Variants in AGPAT4 observed in about 807,000 individuals in gnomAD.
AGPAT4 encodes 1-acyl-sn-glycerol-3-phosphate acyltransferase delta.
A neutral mutation model predicts 48.0 loss-of-function variants in AGPAT4; 15 were observed. That is an observed-to-expected ratio of 0.31 (90% confidence interval 0.21 to 0.48). AGPAT4 has a LOEUF of 0.48. Ranked by LOEUF, AGPAT4 falls within the 20% of genes least tolerant of loss-of-function variation. The pLI is 0.99. For synonymous variants in AGPAT4, 178 were observed against 198.7 expected, an observed-to-expected ratio of 0.90 and a Z score of 0.88; for missense variants, 314 against 482.5, an observed-to-expected ratio of 0.65 and a Z score of 3.27.
Position 161,155,977 on chromosome 6 carries a change from C to G in AGPAT4, c.349-1667G>C, listed in dbSNP as rs1779756884. On this transcript the variant is annotated intron_variant, in intron 3 of 8. Coordinates refer to ENST00000320285, the MANE Select transcript of AGPAT4 (RefSeq NM_020133.3). This position sits in a 1 kb window ranked among gnomAD's most constrained non-coding sequence, Gnocchi z 5.8. ...ATGGCTTCTGCTGGGGAAAAGCACT[C>G]TCAGGGATATTTCCCGTTCACAATT... Among the ~76,000 whole-genome samples the G allele has an allele frequency of 6.6e-6, 1 of 152,196 alleles. No homozygotes were observed. Among genetic ancestry groups the G allele is most frequent in the African/African-American group, 2.4e-5 (1 of 41,442 alleles).
rs776060210 is a variant in AGPAT4, at chr6:161,267,436, G to T, written c.-90+6502C>A. Among the ~76,000 whole-genome samples the T allele has an allele frequency of 6.6e-6, 1 of 152,100 alleles. No homozygotes were observed. Among genetic ancestry groups the T allele is most frequent in the Non-Finnish European group, 1.5e-5 (1 of 68,018 alleles). On this transcript the variant is annotated intron_variant, in intron 1 of 8. Transcript: ENST00000320285. The surrounding 1 kb of genome is among the most constrained non-coding windows in gnomAD (Gnocchi z 5.2). ...ATTTGAAAAATATTAGCTGGGGAACGGGCGCAGTGGCTCACATCTGTAATC... is the reference window on the plus strand; with the variant it reads ...ATTTGAAAAATATTAGCTGGGGAACTGGCGCAGTGGCTCACATCTGTAATC...
intron 2 of AGPAT4, among the ~76,000 whole-genome samples, chr6:161,211,672 G>C (rs1238220281): frequency 2.0e-5 from 3 of 152,084 alleles, no homozygotes; most frequent in Non-Finnish European, 4.4e-5. Context: ...TTATTATTAA[G>C]TTTGGTTTAC....
Position 161,130,964 on chromosome 6 carries a change from A to G in AGPAT4, c.*5576T>C, listed in dbSNP as rs1394989354. 1 of 505,526 alleles carries G rather than the reference A, an allele frequency of 2.0e-6. No homozygotes were observed. The highest frequency in any genetic ancestry group is 1.9e-5 in the African/African-American group (1 of 51,556). The allele number at this position is 505,526 out of a possible 1,614,324, so 31.3% of individuals were successfully genotyped here. On this transcript the variant is annotated 3_prime_UTR_variant, in exon 9 of 9. Transcript: ENST00000320285. ...TGGCAAAGATCTGGCTAAAACTAGT[A>G]CTATGGAATAGAAAAGGAAAAGTGA...
intron 5 of AGPAT4, among the ~76,000 whole-genome samples, chr6:161,152,516 AG>A (rs1310702264): frequency 1.3e-5 from 2 of 152,146 alleles, no homozygotes; most frequent in Non-Finnish European, 2.9e-5. Flanking sequence ...AGGTCCTGGT[AG>A]GGGGTCAGCC....
Position 161,146,266 on chromosome 6 carries a change from G to A in AGPAT4, c.843+258C>T, listed in dbSNP as rs1000938434. Among the ~76,000 whole-genome samples, 8 of 151,468 alleles carry A rather than the reference G, an allele frequency of 5.3e-5. 1 individual carries two copies. Among genetic ancestry groups the A allele is most frequent in the Admixed American group, 2.0e-4 (3 of 15,252 alleles). On this transcript the variant is annotated intron_variant, in intron 7 of 8. Coordinates refer to ENST00000320285, the MANE Select transcript of AGPAT4 (RefSeq NM_020133.3). This position sits in a 1 kb window ranked among gnomAD's most constrained non-coding sequence, Gnocchi z 7.1. ...CTTAGGACCAGAGGCAGGAAAATACGAGCAGGGGCGATTGGGGCCATTACT... is the reference window on the plus strand; with the variant it reads ...CTTAGGACCAGAGGCAGGAAAATACAAGCAGGGGCGATTGGGGCCATTACT...
In AGPAT4 at chr6:161,202,044, C is replaced by A. The variant is rs1296684752; in HGVS notation, c.178+29992G>T. On this transcript the variant is annotated intron_variant, in intron 2 of 8. Coordinates refer to ENST00000320285, the MANE Select transcript of AGPAT4 (RefSeq NM_020133.3). This position sits in a 1 kb window ranked among gnomAD's most constrained non-coding sequence, Gnocchi z 5.4. ...AGTCTACCTGACCCGGGAACCTGGA[C>A]AAGGTGGCTCTCATATATACACCCA... Among the ~76,000 whole-genome samples the A allele has an allele frequency of 1.3e-5, 2 of 152,216 alleles. No homozygotes were observed. The highest frequency in any genetic ancestry group is 2.9e-5 in the Non-Finnish European group (2 of 68,026).
In AGPAT4 at chr6:161,138,940, T is replaced by C. The variant is rs1007527827; in HGVS notation, c.1042+482A>G. 6.6e-6 allele frequency among the ~76,000 whole-genome samples: 1 copy of C among 151,552 alleles called. No homozygotes were observed. Among genetic ancestry groups the C allele is most frequent in the African/African-American group, 2.4e-5 (1 of 41,218 alleles). On this transcript the variant is annotated intron_variant, in intron 8 of 8. Coordinates refer to ENST00000320285, the MANE Select transcript of AGPAT4 (RefSeq NM_020133.3). This position sits in a 1 kb window ranked among gnomAD's most constrained non-coding sequence, Gnocchi z 4.8. ...GTCACCTGGAGCCAGCGCAGACCCATGAAAAGCTCTGTCGCCGAGTGTCTC... is the reference window on the plus strand; with the variant it reads ...GTCACCTGGAGCCAGCGCAGACCCACGAAAAGCTCTGTCGCCGAGTGTCTC...
At chr6:161,160,864 A>G in intron 3 of AGPAT4, 1 of 391,028 alleles carries the variant, frequency 2.6e-6, no homozygotes, top group Middle Eastern at 6.7e-4. Context: ...GAGGCGTTAC[A>G]GGGGTAGGTG....
rs571377566 is a variant in AGPAT4, at chr6:161,231,503, G to A, written c.178+533C>T. The stretch of plus-strand genomic sequence containing the variant: ...AAGATGCTACCATAGGGAGAAACTG[G>A]CCAAGGAGTGTACAGAATTTCTCAG... On this transcript the variant is annotated intron_variant, in intron 2 of 8. Coordinates refer to ENST00000320285, the MANE Select transcript of AGPAT4 (RefSeq NM_020133.3). The surrounding 1 kb of genome is among the most constrained non-coding windows in gnomAD (Gnocchi z 5.3). 1.3e-5 allele frequency among the ~76,000 whole-genome samples: 2 copies of A among 152,094 alleles called. No individual in the cohort carries two copies. Among genetic ancestry groups the A allele is most frequent in the Non-Finnish European group, 2.9e-5 (2 of 68,024 alleles).
At chr6:161,172,678 T>C (rs1301829813) in intron 2 of AGPAT4, among the ~76,000 whole-genome samples, 2 of 152,092 alleles carry the variant, frequency 1.3e-5, no homozygotes, top group Non-Finnish European at 2.9e-5. Flanking sequence ...AGTTCAAGGG[T>C]ACATGTGCAC....
chr6:161,186,461 G>A (rs973820141), intron 2 of AGPAT4, among the ~76,000 whole-genome samples: 1 of 151,930 alleles, frequency 6.6e-6, no homozygotes, highest in Non-Finnish European at 1.5e-5. Context: ...CCACCGGCTC[G>A]CTGCCGTCAC....
At position 161,137,713 on chromosome 6, in the gene AGPAT4, C is replaced by T. The variant is rs1457572410; in HGVS notation, c.1043-1079G>A. The stretch of plus-strand genomic sequence containing the variant: ...GCAGGCTCAGAGTAATGGGGCACGG[C>T]AGTCAGCTCCTCAGATGCTCCTGGA... On this transcript the variant is annotated intron_variant, in intron 8 of 8. Transcript: ENST00000320285. The surrounding 1 kb of genome is among the most constrained non-coding windows in gnomAD (Gnocchi z 6.1). Among the ~76,000 whole-genome samples the T allele has an allele frequency of 6.6e-6, 1 of 152,152 alleles. No individual in the cohort carries two copies. The highest frequency in any genetic ancestry group is 1.5e-5 in the Non-Finnish European group (1 of 68,022).
chr6:161,161,488 T>C lies in AGPAT4; in HGVS notation c.348+4760A>G. 1 of 456,686 alleles carries C rather than the reference T, an allele frequency of 2.2e-6. No homozygotes were observed. Among genetic ancestry groups the C allele is most frequent in the Non-Finnish European group, 4.4e-6 (1 of 226,948 alleles). 28.3% of individuals were successfully genotyped at this position (456,686 alleles called of 1,614,324 possible). ...CCATTCCTAGTGCAAGGTCTGTGCC[T>C]GCAGAGCTGATGAATTCACATGGTG... On this transcript the variant is annotated intron_variant, in intron 3 of 8. Coordinates refer to ENST00000320285, the MANE Select transcript of AGPAT4 (RefSeq NM_020133.3). This position sits in a 1 kb window ranked among gnomAD's most constrained non-coding sequence, Gnocchi z 4.6.
intron 1 of AGPAT4, among the ~76,000 whole-genome samples, chr6:161,265,693 G>T (rs1783239990): frequency 6.6e-6 from 1 of 152,122 alleles, no homozygotes; most frequent in Non-Finnish European, 1.5e-5. Flanking sequence ...TCCCTTAGCT[G>T]GTGGGTGGGG....
At chr6:161,263,361 G>A (rs1783161959) in intron 1 of AGPAT4, among the ~76,000 whole-genome samples, 2 of 152,218 alleles carry the variant, frequency 1.3e-5, no homozygotes, top group South Asian at 2.1e-4. Context: ...TGTGGTGGCG[G>A]GCACCTGTAA....
chr6:161,168,260 G>C (rs1327150383), intron 2 of AGPAT4, among the ~76,000 whole-genome samples: 2 of 152,148 alleles, frequency 1.3e-5, no homozygotes, highest in Non-Finnish European at 2.9e-5. Flanking sequence ...CCGAGGATGG[G>C]AAGGATCAAT....
At chr6:161,205,989 G>C (rs952263573) in intron 2 of AGPAT4, among the ~76,000 whole-genome samples, 1 of 152,110 alleles carries the variant, frequency 6.6e-6, no homozygotes, top group Non-Finnish European at 1.5e-5. Context: ...AGGCAGACCA[G>C]CTAGGGCACA....
chr6:161,182,726 C>G (rs1185358077), intron 2 of AGPAT4, among the ~76,000 whole-genome samples: 1 of 152,230 alleles, frequency 6.6e-6, no homozygotes, highest in African/African-American at 2.4e-5. Flanking sequence ...CAGCCAGCGG[C>G]TGGTACAATA....
chr6:161,208,054 T>C lies in AGPAT4; in HGVS notation c.178+23982A>G, dbSNP rs1781426029. On this transcript the variant is annotated intron_variant, in intron 2 of 8. Transcript: ENST00000320285. The surrounding 1 kb of genome is among the most constrained non-coding windows in gnomAD (Gnocchi z 4.6). ...GAGAGAGATGGTAATAACCCTTTCC[T>C]AGGCTTCATTATTAATATTTCCTCC... is the stretch of plus-strand genomic sequence containing the variant. Among the ~76,000 whole-genome samples, 1 of 152,196 alleles carries C rather than the reference T, an allele frequency of 6.6e-6. No individual in the cohort carries two copies. Among genetic ancestry groups the C allele is most frequent in the South Asian group, 2.1e-4 (1 of 4,826 alleles).
Sources: allele counts gnomAD v4.1 joint callset (sites outside exome capture counted in the v4.1 genomes callset), GRCh38; gene constraint gnomAD v4.1.1; non-coding constraint Gnocchi (gnomAD v3.1); transcripts MANE v1.5; gene names NCBI Gene and HGNC (gene_info 2026-07-23, HGNC 2026-07-21).